The following ROBO2 variants were observed in gnomAD, a reference collection of about 807,000 sequenced individuals.
The protein encoded by ROBO2 is roundabout guidance receptor 2.
ROBO2 carries 53 observed loss-of-function variants against 160.8 expected under a neutral mutation model. That is an observed-to-expected ratio of 0.33 (90% confidence interval 0.26 to 0.41). The LOEUF (loss-of-function observed/expected upper bound fraction) is 0.41. ROBO2 is among the 10% of genes least tolerant of loss of function. The pLI is 1.00. For missense variants in ROBO2, 1,577 were observed against 1,722.4 expected (o/e 0.92, Z 1.49); for synonymous variants, 664 against 611.7 (o/e 1.09, Z -1.26).
At chr3:77,055,071 T>A (rs1386991993) in intron 1 of ROBO2, among the ~76,000 whole-genome samples, 3 of 146,318 alleles carry the variant, frequency 2.1e-5, no homozygotes, top group Non-Finnish European at 1.5e-5. Context: ...ACTCATTCTT[T>A]AAAAAAAAAA....
chr3:76,223,580 T>C (rs1704109668), intron 2 of ROBO2, among the ~76,000 whole-genome samples: 1 of 152,162 alleles, frequency 6.6e-6, no homozygotes, highest in Non-Finnish European at 1.5e-5. Context: ...GTTTCAGTTT[T>C]TCCCCAATCG....
intron 2 of ROBO2, among the ~76,000 whole-genome samples, chr3:76,108,044 G>T (rs889720901): frequency 5.9e-5 from 9 of 151,934 alleles, no homozygotes; most frequent in African/African-American, 2.2e-4. Context: ...TATTATATTA[G>T]AAAGAATAGC....
intron 2 of ROBO2, among the ~76,000 whole-genome samples, chr3:77,255,523 G>A (rs1020662542): frequency 2.0e-5 from 3 of 152,160 alleles, no homozygotes; most frequent in African/African-American, 7.2e-5. Context: ...GTGTCTGGTG[G>A]TAACCAACCT....
chr3:76,676,794 T>G (rs938773862), intron 2 of ROBO2, among the ~76,000 whole-genome samples: 1 of 152,224 alleles, frequency 6.6e-6, no homozygotes, highest in Admixed American at 6.5e-5. Flanking sequence ...AGGGCTTTTT[T>G]TTCCTCTCTC....
At chr3:76,033,740 C>T (rs191721542) in intron 2 of ROBO2, among the ~76,000 whole-genome samples, 1 of 152,242 alleles carries the variant, frequency 6.6e-6, no homozygotes, top group Non-Finnish European at 1.5e-5. Context: ...GACAGCTCAC[C>T]TGGAGCTAGT....
At chr3:77,160,609 G>A (rs1384477676) in intron 2 of ROBO2, among the ~76,000 whole-genome samples, 1 of 152,112 alleles carries the variant, frequency 6.6e-6, no homozygotes, top group Admixed American at 6.6e-5. Context: ...ACTGATATAT[G>A]TAATACATTT....
intron 1 of ROBO2, among the ~76,000 whole-genome samples, chr3:77,093,977 A>C (rs1177054238): frequency 1.3e-5 from 2 of 152,208 alleles, no homozygotes; most frequent in Non-Finnish European, 2.9e-5. Flanking sequence ...ATTTTTAAAA[A>C]TTGCTGGAGA....
chr3:76,457,545 G>C (rs867465603), intron 2 of ROBO2, among the ~76,000 whole-genome samples: 11 of 152,282 alleles, frequency 7.2e-5, no homozygotes, highest in South Asian at 6.2e-4. Flanking sequence ...CACGGTGCAA[G>C]CTGTCGGTGG....
At chr3:76,034,222 T>A (rs1196555452) in intron 2 of ROBO2, among the ~76,000 whole-genome samples, 1 of 152,184 alleles carries the variant, frequency 6.6e-6, no homozygotes, top group Admixed American at 6.6e-5. Context: ...GAGCATGGAT[T>A]TTAAGTTTTT....
chr3:77,385,501 C>G (rs988575090), intron 2 of ROBO2, among the ~76,000 whole-genome samples: 2 of 152,118 alleles, frequency 1.3e-5, no homozygotes, highest in Non-Finnish European at 2.9e-5. Flanking sequence ...GTGTATAGAT[C>G]TAGAACATTT....
chr3:75,998,676 C>G (rs763806177), intron 2 of ROBO2, among the ~76,000 whole-genome samples: 1 of 152,140 alleles, frequency 6.6e-6, no homozygotes, highest in African/African-American at 2.4e-5. Context: ...GCAGGCGTAT[C>G]CCTCTCCATG....
intron 2 of ROBO2, among the ~76,000 whole-genome samples, chr3:76,128,491 C>A (rs1341569567): frequency 6.6e-6 from 1 of 152,010 alleles, no homozygotes; most frequent in Admixed American, 6.6e-5. Flanking sequence ...TTTGGGGAAA[C>A]CTTTTAGGAA....
intron 2 of ROBO2, among the ~76,000 whole-genome samples, chr3:76,883,118 G>A (rs1445403031): frequency 3.3e-5 from 5 of 152,022 alleles, no homozygotes; most frequent in African/African-American, 1.2e-4. Flanking sequence ...TAAAGCATTT[G>A]TCTGACATAT....
At chr3:77,471,703 G>A (rs1270844523) in intron 2 of ROBO2, among the ~76,000 whole-genome samples, 1 of 152,196 alleles carries the variant, frequency 6.6e-6, no homozygotes, top group East Asian at 1.9e-4. Flanking sequence ...CATGTGCATA[G>A]AAGCCACACA....
At chr3:76,696,306 G>A (rs1166807430) in intron 2 of ROBO2, among the ~76,000 whole-genome samples, 2 of 151,798 alleles carry the variant, frequency 1.3e-5, no homozygotes, top group Non-Finnish European at 2.9e-5. Flanking sequence ...ACGTAATATT[G>A]CTGCCTTTTC....
chr3:76,580,342 G>GTTTTTTTTT (rs71101901), intron 2 of ROBO2, among the ~76,000 whole-genome samples: 23 of 90,544 alleles, frequency 2.5e-4, no homozygotes, highest in South Asian at 3.9e-4. Flanking sequence ...TTTTTTTTGT[G>GTTTTTTTTT]TTTTTTTTTT....
At chr3:76,143,424 A>G (rs1559588248) in intron 2 of ROBO2, among the ~76,000 whole-genome samples, 1 of 152,044 alleles carries the variant, frequency 6.6e-6, no homozygotes, top group Non-Finnish European at 1.5e-5. Flanking sequence ...TATATTTATT[A>G]GTTTTCCATA....
At chr3:76,099,451 A>G (rs1433498940) in intron 2 of ROBO2, among the ~76,000 whole-genome samples, 2 of 152,168 alleles carry the variant, frequency 1.3e-5, no homozygotes, top group Non-Finnish European at 2.9e-5. Flanking sequence ...TTTCTAAGGC[A>G]TGTATTTCTT....
intron 2 of ROBO2, among the ~76,000 whole-genome samples, chr3:76,889,822 T>C: frequency 6.6e-6 from 1 of 152,266 alleles, no homozygotes; most frequent in South Asian, 2.1e-4. Context: ...TTTGTTTTTT[T>C]CCTCAATTTT....
Sources: allele counts gnomAD v4.1 joint callset (sites outside exome capture counted in the v4.1 genomes callset), GRCh38; gene constraint gnomAD v4.1.1; transcripts MANE v1.5; gene names NCBI Gene and HGNC (gene_info 2026-07-23, HGNC 2026-07-21).